TRHDE: variants seen among roughly 807,000 people sequenced by gnomAD.
The protein encoded by TRHDE is thyrotropin releasing hormone degrading enzyme.
In TRHDE, 72 loss-of-function variants were observed where a neutral mutation model predicts 125.7. The observed-to-expected ratio is 0.57, with a 90% CI of 0.47 to 0.70. The LOEUF is 0.70. Ranked by LOEUF, TRHDE falls within the 30% of genes least tolerant of loss-of-function variation. TRHDE has a pLI of 0.00. For missense variants in TRHDE, 1,110 were observed against 1,327.1 expected (o/e 0.84, Z 2.54); for synonymous variants, 509 against 509.1 (o/e 1.00, Z 0.00).
intron 1 of TRHDE, among the ~76,000 whole-genome samples, chr12:72,091,599 A>C (rs1395470112): frequency 6.6e-6 from 1 of 152,194 alleles, no homozygotes; most frequent in Admixed American, 6.5e-5. Context: ...CCCAGGTTGC[A>C]TCAAGAAGAA....
At chr12:72,607,664 C>G (rs1375609329) in intron 12 of TRHDE, among the ~76,000 whole-genome samples, 1 of 152,082 alleles carries the variant, frequency 6.6e-6, no homozygotes, top group Non-Finnish European at 1.5e-5. Flanking sequence ...GAATTTAAGT[C>G]TATCAGATAG....
At chr12:72,520,224 G>C (rs564655121) in intron 6 of TRHDE, among the ~76,000 whole-genome samples, 7 of 152,326 alleles carry the variant, frequency 4.6e-5, no homozygotes, top group African/African-American at 1.4e-4. Context: ...GCAATGGCGG[G>C]CGCCCCTCCC....
intron 1 of TRHDE, among the ~76,000 whole-genome samples, chr12:72,105,265 AAGTG>A (rs1229098586): frequency 2.0e-5 from 3 of 152,154 alleles, no homozygotes; most frequent in Non-Finnish European, 2.9e-5. Flanking sequence ...GGCATGGCTC[AAGTG>A]GTTGGGGAGG....
At chr12:72,533,723 GT>G in intron 6 of TRHDE, among the ~76,000 whole-genome samples, 31,593 of 97,762 alleles carry the variant, frequency 0.32, 3,764 homozygotes, top group African/African-American at 0.54. Context: ...TTTTCTATTT[GT>G]TTTTTTTTTT....
At position 72,598,741 on chromosome 12, in the gene TRHDE, T is replaced by G. The variant is rs186272133; in HGVS notation, c.2322-20150T>G. 1.5e-4 allele frequency among the ~76,000 whole-genome samples: 23 copies of G among 152,266 alleles called. 1 individual carries two copies. Among genetic ancestry groups the G allele is most frequent in the African/African-American group, 5.3e-4 (22 of 41,562 alleles). On this transcript the variant is annotated intron_variant, in intron 12 of 18. Transcript: ENST00000261180. The stretch of plus-strand genomic sequence containing the variant: ...TTTTCTTTTTTTAAATTTCAACTTT[T>G]TTTTAGATTCAGAGGGTACATGTGC...
chr12:72,136,591 G>C (rs1875991244), intron 2 of TRHDE, among the ~76,000 whole-genome samples: 1 of 152,188 alleles, frequency 6.6e-6, no homozygotes. Context: ...GTTTGGGATT[G>C]GATAAAACTT....
chr12:72,443,871 A>G (rs1875144338), intron 3 of TRHDE, among the ~76,000 whole-genome samples: 1 of 151,828 alleles, frequency 6.6e-6, no homozygotes, highest in East Asian at 1.9e-4. Flanking sequence ...TGTGATTTAC[A>G]TATCAATTTA....
chr12:72,553,444 T>C (rs532444071), intron 7 of TRHDE, among the ~76,000 whole-genome samples: 1 of 152,252 alleles, frequency 6.6e-6, no homozygotes, highest in Admixed American at 6.5e-5. Flanking sequence ...TAACCCACCA[T>C]TAATAATAAT....
chr12:72,511,716 G>C (rs776642736), intron 6 of TRHDE, among the ~76,000 whole-genome samples: 2 of 151,958 alleles, frequency 1.3e-5, no homozygotes, highest in African/African-American at 4.8e-5. Flanking sequence ...ATATTTCACC[G>C]ATTCATCATC....
At chr12:72,211,797 G>T (rs1877788613) in intron 2 of TRHDE, among the ~76,000 whole-genome samples, 1 of 152,098 alleles carries the variant, frequency 6.6e-6, no homozygotes, top group Non-Finnish European at 1.5e-5. Flanking sequence ...ATAGAATAAA[G>T]CTAATTTACC....
chr12:72,428,338 T>C (rs1383464233), intron 3 of TRHDE, among the ~76,000 whole-genome samples: 1 of 152,116 alleles, frequency 6.6e-6, no homozygotes, highest in Non-Finnish European at 1.5e-5. Context: ...AATGTGATGG[T>C]GAATACTAAT....
At chr12:72,091,562 C>A (rs557543713) in intron 1 of TRHDE, among the ~76,000 whole-genome samples, 81 of 152,302 alleles carry the variant, frequency 5.3e-4, no homozygotes, top group African/African-American at 1.7e-3. Context: ...AGTGCCCAAG[C>A]ACCCTTTTAC....
rs542749492 is a variant in TRHDE, at chr12:72,447,241, C to T, written c.1316-22517C>T. ...TCAAAACTGCTCAACTACATGGAAACTGAACAACCTGCTCCTGAATGGCTA... is the reference window on the plus strand; with the variant it reads ...TCAAAACTGCTCAACTACATGGAAATTGAACAACCTGCTCCTGAATGGCTA... On this transcript the variant is annotated intron_variant, in intron 3 of 18. Coordinates refer to ENST00000261180, the MANE Select transcript of TRHDE (RefSeq NM_013381.3). Among the ~76,000 whole-genome samples, 31 of 152,204 alleles carry T rather than the reference C, an allele frequency of 2.0e-4. 1 individual carries two copies. In the South Asian group the frequency reaches 6.4e-3, roughly 32 times the overall value.
intron 2 of TRHDE, among the ~76,000 whole-genome samples, chr12:72,195,732 G>T (rs542066633): frequency 6.6e-6 from 1 of 152,006 alleles, no homozygotes; most frequent in African/African-American, 2.4e-5. Flanking sequence ...GTTTAATGAG[G>T]TCCCACTTGT....
intron 1 of TRHDE, among the ~76,000 whole-genome samples, chr12:72,282,647 G>T (rs1879738651): frequency 6.6e-6 from 1 of 152,138 alleles, no homozygotes; most frequent in African/African-American, 2.4e-5. Context: ...CAGCAGACAG[G>T]GCACAAACTT....
At chr12:72,132,568 G>A (rs1875889054) in intron 2 of TRHDE, among the ~76,000 whole-genome samples, 1 of 152,120 alleles carries the variant, frequency 6.6e-6, no homozygotes, top group Non-Finnish European at 1.5e-5. Flanking sequence ...CAATACTCTT[G>A]CACTCTCTCT....
chr12:72,304,768 A>G (rs1868315384), intron 2 of TRHDE, among the ~76,000 whole-genome samples: 1 of 152,200 alleles, frequency 6.6e-6, no homozygotes, highest in Non-Finnish European at 1.5e-5. Context: ...ACCATGCCAG[A>G]TTACACATCT....
intron 6 of TRHDE, among the ~76,000 whole-genome samples, chr12:72,519,809 C>T (rs917249785): frequency 1.3e-5 from 2 of 152,120 alleles, no homozygotes; most frequent in African/African-American, 4.8e-5. Context: ...TGGTGATGTA[C>T]AGATGGGTTT....
intron 2 of TRHDE, among the ~76,000 whole-genome samples, chr12:72,222,001 G>A (rs1301696896): frequency 1.3e-5 from 2 of 152,042 alleles, no homozygotes; most frequent in Non-Finnish European, 1.5e-5. Flanking sequence ...GGTGACTTTG[G>A]GCTGCCTCAC....
Sources: allele counts gnomAD v4.1 joint callset (sites outside exome capture counted in the v4.1 genomes callset), GRCh38; gene constraint gnomAD v4.1.1; transcripts MANE v1.5; gene names NCBI Gene and HGNC (gene_info 2026-07-23, HGNC 2026-07-21).